The following STAU2 variants were observed in gnomAD, a reference collection of about 807,000 sequenced individuals.
The protein encoded by STAU2 is double-stranded RNA-binding protein Staufen homolog 2.
In STAU2, 20 loss-of-function variants were observed where a neutral mutation model predicts 65.9. The ratio of observed to expected loss-of-function variants is 0.30; its 90% CI spans 0.21 to 0.44. STAU2 has a LOEUF of 0.44. Among genes scored for constraint, STAU2 ranks in the 20% least tolerant of loss-of-function variants. The pLI is 1.00. For synonymous variants in STAU2, 232 were observed against 233.9 expected, an observed-to-expected ratio of 0.99 and a Z score of 0.07; for missense variants, 558 against 683.9, an observed-to-expected ratio of 0.82 and a Z score of 2.05.
intron 13 of STAU2, among the ~76,000 whole-genome samples, chr8:73,506,166 G>A (rs1277712434): frequency 6.6e-6 from 1 of 152,152 alleles, no homozygotes; most frequent in African/African-American, 2.4e-5. Context: ...GCTAACACGT[G>A]TTCCATTGTG....
At chr8:73,574,758 G>C (rs943341585) in intron 12 of STAU2, among the ~76,000 whole-genome samples, 1 of 152,096 alleles carries the variant, frequency 6.6e-6, no homozygotes, top group Admixed American at 6.6e-5. Flanking sequence ...GGCCTGTCAT[G>C]GGGTAGGGGG....
At chr8:73,689,424 C>T (rs1819169549) in intron 4 of STAU2, among the ~76,000 whole-genome samples, 1 of 152,210 alleles carries the variant, frequency 6.6e-6, no homozygotes, top group South Asian at 2.1e-4. Flanking sequence ...ATTCTTCCAG[C>T]TGATCACTGC....
At position 73,654,657 on chromosome 8, in the gene STAU2, A is replaced by AAAAAAAAAAAAAAAAAAAAAC. The variant is rs1423535552; in HGVS notation, c.410+18449_410+18450insGTTTTTTTTTTTTTTTTTTTT. ...TGTCTCAAAAAAAAAAAAAAAAAAA[A>AAAAAAAAAAAAAAAAAAAAAC]AAAAGAACTCTTTTAATTATCAAAC... On this transcript the variant is annotated intron_variant, in intron 6 of 14. Transcript: ENST00000524300. 1.4e-5 allele frequency among the ~76,000 whole-genome samples: 2 copies of AAAAAAAAAAAAAAAAAAAAAC among 141,512 alleles called. 1 individual carries two copies. Among genetic ancestry groups the AAAAAAAAAAAAAAAAAAAAAC allele is most frequent in the South Asian group, 4.4e-4 (2 of 4,548 alleles). The allele number at this position is 141,512 out of a possible 152,430, so 92.8% of individuals were successfully genotyped here.
At chr8:73,672,922 C>T in intron 6 of STAU2, 185 bp downstream of exon 6, 2 of 441,768 alleles carry the variant, frequency 4.5e-6, no homozygotes, top group East Asian at 4.1e-5. Context: ...AAAACTAGTT[C>T]CTGAAAACTG....
intron 13 of STAU2, among the ~76,000 whole-genome samples, chr8:73,505,111 T>C (rs1272171334): frequency 2.4e-4 from 37 of 152,080 alleles, no homozygotes; most frequent in Admixed American, 2.4e-3. Context: ...CTGGAAGACA[T>C]TTAATATGGC....
intron 13 of STAU2, among the ~76,000 whole-genome samples, chr8:73,524,664 T>A (rs1823246121): frequency 6.6e-6 from 1 of 152,194 alleles, no homozygotes; most frequent in Admixed American, 6.5e-5. Context: ...AACCTGTGTT[T>A]CATAAGAAGG....
chr8:73,721,287 CAAAAAAAAAAAAAAAAAA>C (rs35721754), intron 3 of STAU2, among the ~76,000 whole-genome samples: 1 of 12,456 alleles, frequency 8.0e-5, no homozygotes, highest in Non-Finnish European at 1.4e-4. Context: ...ACCCCACCTC[CAAAAAAAAAAAAAAAAAA>C]AAAAAAAAAA....
intron 3 of STAU2, among the ~76,000 whole-genome samples, chr8:73,716,712 G>T (rs1362996422): frequency 6.6e-6 from 1 of 152,088 alleles, no homozygotes; most frequent in African/African-American, 2.4e-5. Flanking sequence ...TGAAGTGTCT[G>T]AATATTTTAC....
chr8:73,452,860 G>A (rs118187386), intron 13 of STAU2, among the ~76,000 whole-genome samples: 470 of 152,316 alleles, frequency 3.1e-3, no homozygotes, highest in Non-Finnish European at 5.2e-3. Flanking sequence ...TTATAGCACC[G>A]TAAAGGTACA....
At chr8:73,674,343 G>C (rs1304475788) in intron 5 of STAU2, among the ~76,000 whole-genome samples, 1 of 151,034 alleles carries the variant, frequency 6.6e-6, no homozygotes, top group African/African-American at 2.4e-5. Flanking sequence ...TATTTCAAAA[G>C]ACTTAAAAAA....
intron 3 of STAU2, among the ~76,000 whole-genome samples, chr8:73,725,078 T>A (rs893909177): frequency 1.3e-5 from 2 of 152,220 alleles, no homozygotes; most frequent in Non-Finnish European, 2.9e-5. Context: ...TCAAGGAGCA[T>A]CTGTACTTGA....
intron 13 of STAU2, among the ~76,000 whole-genome samples, chr8:73,531,955 A>C (rs1197806937): frequency 6.6e-6 from 1 of 152,186 alleles, no homozygotes; most frequent in Non-Finnish European, 1.5e-5. Context: ...AAGAGTCATC[A>C]CCCTATGTTT....
chr8:73,693,556 T>C (rs564953160), intron 4 of STAU2, among the ~76,000 whole-genome samples: 55 of 152,060 alleles, frequency 3.6e-4, no homozygotes, highest in South Asian at 6.2e-4. Context: ...AATATGACCT[T>C]CCCATTCAAA....
intron 13 of STAU2, among the ~76,000 whole-genome samples, chr8:73,549,365 G>A (rs895206800): frequency 4.6e-5 from 7 of 152,138 alleles, no homozygotes; most frequent in African/African-American, 1.7e-4. Flanking sequence ...AAAAACTTTA[G>A]GTGAGACCAA....
At chr8:73,519,455 C>T (rs981424245) in intron 13 of STAU2, among the ~76,000 whole-genome samples, 7 of 151,778 alleles carry the variant, frequency 4.6e-5, no homozygotes, top group African/African-American at 1.2e-4. Flanking sequence ...TAGGACGCCA[C>T]GAAAAATGTA....
chr8:73,472,419 T>C (rs191426370), intron 13 of STAU2, among the ~76,000 whole-genome samples: 26 of 152,264 alleles, frequency 1.7e-4, no homozygotes, highest in African/African-American at 6.0e-4. Flanking sequence ...TTACAGAAAA[T>C]GCCTTTGCTT....
intron 3 of STAU2, among the ~76,000 whole-genome samples, chr8:73,727,275 T>C (rs952658993): frequency 2.6e-5 from 4 of 152,228 alleles, no homozygotes; most frequent in African/African-American, 7.2e-5. Flanking sequence ...CCAGTGGTAT[T>C]TAGTCCACTC....
chr8:73,659,476 G>A (rs1280278988), intron 6 of STAU2, among the ~76,000 whole-genome samples: 1 of 152,182 alleles, frequency 6.6e-6, no homozygotes, highest in Non-Finnish European at 1.5e-5. Flanking sequence ...GGCGGAGGTT[G>A]CAGTGAGCTG....
intron 7 of STAU2, 144 bp downstream of exon 7, chr8:73,617,147 AG>A (rs1230565857): frequency 1.0e-6 from 1 of 982,504 alleles, no homozygotes; most frequent in Non-Finnish European, 1.4e-6. Context: ...GTCACCCTGC[AG>A]GAACACATGA....
Sources: allele counts gnomAD v4.1 joint callset (sites outside exome capture counted in the v4.1 genomes callset), GRCh38; gene constraint gnomAD v4.1.1; transcripts MANE v1.5; gene names NCBI Gene and HGNC (gene_info 2026-07-23, HGNC 2026-07-21).